Variants in LOC400499 observed in about 807,000 individuals in gnomAD.
At chr16:11,387,610 C>A in the LOC400499 span, among the ~76,000 whole-genome samples, 3 of 150,386 alleles carry the variant, frequency 2.0e-5, no homozygotes, top group Non-Finnish European at 4.4e-5. Context: ...GTGGGGATGC[C>A]GAGGACAGGA....
At chr16:11,459,982 C>A in the LOC400499 span, 6 of 1,516,266 alleles carry the variant, frequency 4.0e-6, no homozygotes, top group Non-Finnish European at 5.3e-6. Flanking sequence ...CTGTTCTTGT[C>A]CCAGTGCTTC....
chr16:11,417,116 C>T, the LOC400499 span, among the ~76,000 whole-genome samples: 1 of 151,998 alleles, frequency 6.6e-6, no homozygotes, highest in African/African-American at 2.4e-5. Flanking sequence ...AAGTCCCACC[C>T]CCCCTCACCC....
chr16:11,488,799 G>A, the LOC400499 span: 6 of 398,848 alleles, frequency 1.5e-5, no homozygotes, highest in Non-Finnish European at 1.8e-5. Flanking sequence ...AGGGTGTCCC[G>A]GAGGGCCCGT....
chr16:11,521,137 C>A, the LOC400499 span, among the ~76,000 whole-genome samples: 2 of 152,132 alleles, frequency 1.3e-5, no homozygotes, highest in Non-Finnish European at 2.9e-5. Flanking sequence ...CAGCTCAGGC[C>A]CACTCCATGA....
At chr16:11,511,172 A>G in the LOC400499 span, among the ~76,000 whole-genome samples, 1 of 151,684 alleles carries the variant, frequency 6.6e-6, no homozygotes, top group East Asian at 1.9e-4. Context: ...AATTTTTTGT[A>G]TTTTTCACAG....
At chr16:11,451,705 T>C in the LOC400499 span, among the ~76,000 whole-genome samples, 1 of 152,158 alleles carries the variant, frequency 6.6e-6, no homozygotes, top group Non-Finnish European at 1.5e-5. Flanking sequence ...ATTTACCTGA[T>C]ACCTAAATGA....
At chr16:11,493,461 A>G in the LOC400499 span, among the ~76,000 whole-genome samples, 1 of 152,148 alleles carries the variant, frequency 6.6e-6, no homozygotes, top group Non-Finnish European at 1.5e-5. Flanking sequence ...TTGATAAATA[A>G]TCTGCTTCCC....
At chr16:11,410,495 C>G in the LOC400499 span, among the ~76,000 whole-genome samples, 8 of 152,230 alleles carry the variant, frequency 5.3e-5, no homozygotes, top group African/African-American at 1.7e-4. Flanking sequence ...AAGAAGTTCC[C>G]TGAATGACTG....
chr16:11,444,250 G>C, the LOC400499 span, among the ~76,000 whole-genome samples: 1 of 152,110 alleles, frequency 6.6e-6, no homozygotes, highest in Non-Finnish European at 1.5e-5. Context: ...ATCTTAAAAT[G>C]AGCTGGGTGT....
At chr16:11,466,892 T>C in the LOC400499 span, among the ~76,000 whole-genome samples, 4 of 152,050 alleles carry the variant, frequency 2.6e-5, no homozygotes, top group African/African-American at 9.7e-5. Flanking sequence ...TCTGAAAAGA[T>C]TGCCAAGGTG....
chr16:11,465,522 G>A, the LOC400499 span: 1 of 152,052 alleles, frequency 6.6e-6, no homozygotes, highest in African/African-American at 2.4e-5. Context: ...GTTCCGTCCA[G>A]GTACCCTTGG....
chr16:11,442,923 C>T, the LOC400499 span, among the ~76,000 whole-genome samples: 1 of 152,176 alleles, frequency 6.6e-6, no homozygotes, highest in South Asian at 2.1e-4. Flanking sequence ...CGGGGAGCCA[C>T]ACGCAGCCTC....
At chr16:11,460,093 C>A in the LOC400499 span, 2 of 1,308,518 alleles carry the variant, frequency 1.5e-6, no homozygotes, top group Non-Finnish European at 1.9e-6. Context: ...CATGGAGGCC[C>A]TGCCCACCCA....
At chr16:11,425,290 G>A in the LOC400499 span, 3 of 399,050 alleles carry the variant, frequency 7.5e-6, no homozygotes, top group African/African-American at 2.1e-5. Context: ...CCCTTCAGCT[G>A]GAGCTCTCCA....
the LOC400499 span, among the ~76,000 whole-genome samples, chr16:11,427,548 G>A: frequency 1.1e-4 from 16 of 151,440 alleles, 1 homozygote; most frequent in South Asian, 2.1e-4. Flanking sequence ...AGGCTCAAGC[G>A]ATCCTCCCAC....
At chr16:11,452,457 G>A in the LOC400499 span, among the ~76,000 whole-genome samples, 8 of 152,244 alleles carry the variant, frequency 5.3e-5, no homozygotes, top group Admixed American at 1.3e-4. Context: ...GACCACACGC[G>A]GGGTTCATGA....
the LOC400499 span, chr16:11,477,836 C>T: frequency 2.5e-6 from 1 of 399,002 alleles, no homozygotes. Flanking sequence ...CTTGACATAA[C>T]CATTCACAGA....
At chr16:11,442,075 T>C in the LOC400499 span, 2 of 152,224 alleles carry the variant, frequency 1.3e-5, no homozygotes, top group African/African-American at 4.8e-5. Context: ...ACTGAGAAGT[T>C]AAAAATGCCT....
At chr16:11,477,657 G>C in the LOC400499 span, among the ~76,000 whole-genome samples, 1 of 152,228 alleles carries the variant, frequency 6.6e-6, no homozygotes, top group Non-Finnish European at 1.5e-5. Flanking sequence ...CACCTGTAAA[G>C]TGGATCTAAC....
Sources: gnomAD v4.1 joint callset for allele counts (sites outside exome capture counted in the v4.1 genomes callset) on GRCh38, gnomAD v4.1.1 for gene constraint, MANE v1.5 for transcripts.